Variants in SLC35E3 observed in about 807,000 individuals in gnomAD.
SLC35E3 encodes solute carrier family 35 member E3, also known as bladder cancer-overexpressed gene 1 protein.
Under a neutral mutation model 30.8 loss-of-function variants are expected in SLC35E3, and 28 were observed. That is an observed-to-expected ratio of 0.91 (90% confidence interval 0.67 to 1.25). The LOEUF is 1.25. SLC35E3 is among the 50% of genes most tolerant of loss of function. SLC35E3 has a pLI of 0.00. For missense variants in SLC35E3, 365 were observed against 375.4 expected (o/e 0.97, Z 0.23); for synonymous variants, 146 against 149.2 (o/e 0.98, Z 0.16).
chr12:68,758,170 C>G lies in SLC35E3; in HGVS notation c.673-987C>G, dbSNP rs144641130. Among the ~76,000 whole-genome samples, 691 of 151,448 alleles carry G rather than the reference C, an allele frequency of 4.6e-3. 6 individuals carry two copies. Among genetic ancestry groups the G allele is most frequent in the Non-Finnish European group, 5.5e-3 (374 of 67,888 alleles). On this transcript the variant is annotated intron_variant, in intron 3 of 4. Transcript: ENST00000398004. ...GGTGCAGTGGCTCACGCCTGTAATC[C>G]CAGCACTTTGGGAGGCCGAGGTGGG... is the stretch of plus-strand genomic sequence containing the variant.
chr12:68,752,090 A>G lies in SLC35E3; in HGVS notation c.572A>G (p.Gln191Arg), dbSNP rs1878820376. The G allele has an allele frequency of 4.3e-6, 7 of 1,613,654 alleles. No homozygotes were observed. The highest frequency in any genetic ancestry group is 5.9e-6 in the Non-Finnish European group (7 of 1,179,916). ...AACTCAATGCAGCTGCTGTACTACCAGGCTCCGATGTCATCTGCCATGTTG... is the reference window on the plus strand; with the variant it reads ...AACTCAATGCAGCTGCTGTACTACCGGGCTCCGATGTCATCTGCCATGTTG... ...QVNSMQLLYYQAPMSSAMLLV... is the reference protein window; with the variant it reads ...QVNSMQLLYYRAPMSSAMLLV... The change falls in exon 3 of 5, where the codon CAG becomes CGG. Residue 191 changes from glutamine to arginine, a missense_variant. Coordinates refer to ENST00000398004, the MANE Select transcript of SLC35E3 (RefSeq NM_018656.5).
chr12:68,765,690 A>G lies in SLC35E3; in HGVS notation c.*800A>G, dbSNP rs1198795285. On this transcript the variant is annotated 3_prime_UTR_variant, in exon 5 of 5. Transcript: ENST00000398004. Reference sequence around the variant, plus strand: ...CACATATATACACACACACATACATATACATGTGTATATATATACCATCCC... The same window carrying G: ...CACATATATACACACACACATACATGTACATGTGTATATATATACCATCCC... 1 of 151,366 alleles carries G rather than the reference A, an allele frequency of 6.6e-6. No homozygotes were observed. The highest frequency in any genetic ancestry group is 1.5e-5 in the Non-Finnish European group (1 of 67,952). 9.4% of individuals were successfully genotyped at this position (151,366 alleles called of 1,614,324 possible).
intron 3 of SLC35E3, among the ~76,000 whole-genome samples, chr12:68,754,091 C>T (rs966852013): frequency 2.0e-5 from 3 of 152,098 alleles, no homozygotes; most frequent in Admixed American, 6.6e-5. Context: ...GTGACCCACC[C>T]GCCTCGGCCT....
At position 68,759,190 on chromosome 12, in the gene SLC35E3, A is replaced by T; in HGVS notation, c.706A>T (p.Met236Leu). ...MVLLSGVIAFMVNLSIYWIIG... is the reference protein window; with the variant it reads ...MVLLSGVIAFLVNLSIYWIIG... ...GCTGCTATCTGGAGTAATAGCTTTC[A>T]TGGTGAACTTATCAATTTATTGGAT... Residue 236 changes from methionine to leucine, a missense_variant, in exon 4 of 5, where the codon ATG (methionine) becomes TTG (leucine). Physicochemically the swap from Met to Leu is conservative, Grantham distance 15. Coordinates refer to ENST00000398004, the MANE Select transcript of SLC35E3 (RefSeq NM_018656.5). 1 of 1,613,860 alleles carries T rather than the reference A, an allele frequency of 6.2e-7. No individual in the cohort carries two copies. Among genetic ancestry groups the T allele is most frequent in the Non-Finnish European group, 8.5e-7 (1 of 1,179,856 alleles).
chr12:68,746,676 T>C lies in SLC35E3; in HGVS notation c.299T>C (p.Ile100Thr), dbSNP rs1167593954. 1.2e-6 allele frequency: 2 copies of C among 1,614,214 alleles called. No homozygotes were observed. The highest frequency in any genetic ancestry group is 3.3e-5 in the Admixed American group (2 of 60,028). ...FTNLSLQNNTIGTYQLAKAMT... is the reference protein window; with the variant it reads ...FTNLSLQNNTTGTYQLAKAMT... ...AACCTTTCTCTGCAGAACAACACCA[T>C]AGGCACCTATCAGCTGGCCAAGGCC... Residue 100 changes from isoleucine (I) to threonine (T), a missense_variant, in exon 1 of 5, where the codon ATA becomes ACA. Coordinates refer to ENST00000398004, the MANE Select transcript of SLC35E3 (RefSeq NM_018656.5).
At chr12:68,753,184 A>C (rs2136069717) in intron 3 of SLC35E3, among the ~76,000 whole-genome samples, 1 of 151,632 alleles carries the variant, frequency 6.6e-6, no homozygotes, top group Non-Finnish European at 1.5e-5. Context: ...CAGGAAGCTG[A>C]GGCATGAGAT....
intron 3 of SLC35E3, among the ~76,000 whole-genome samples, chr12:68,752,665 G>GT (rs1167657765): frequency 6.6e-6 from 1 of 152,128 alleles, no homozygotes; most frequent in Non-Finnish European, 1.5e-5. Context: ...GAGCCCAGGA[G>GT]TTTTAGACCA....
chr12:68,753,072 G>A (rs563231402), intron 3 of SLC35E3, among the ~76,000 whole-genome samples: 2 of 149,468 alleles, frequency 1.3e-5, no homozygotes, highest in African/African-American at 4.9e-5. Context: ...ACTTGAACCC[G>A]TGAGGTGGAG....
chr12:68,764,637 G>T (rs1029646548), intron 4 of SLC35E3, 67 bp from the exon 5 acceptor site: 1 of 1,495,156 alleles, frequency 6.7e-7, no homozygotes, highest in East Asian at 2.3e-5. Context: ...TTTATGCAGT[G>T]CGAGTGTGTG....
chr12:68,760,840 T>C (rs1012322425), intron 4 of SLC35E3, among the ~76,000 whole-genome samples: 2 of 152,080 alleles, frequency 1.3e-5, no homozygotes, highest in Admixed American at 1.3e-4. Flanking sequence ...TAGAAAACAA[T>C]TAAATATTTA....
Position 68,777,199 on chromosome 12 carries a change from A to G in SLC35E3, c.*12309A>G, listed in dbSNP as rs1262170258. Reference sequence around the variant, plus strand: ...CCATAGTGGGAGACAGCTGCATCAGAGGCCTCCCAGTGCCATAGGACCATG... The same window carrying G: ...CCATAGTGGGAGACAGCTGCATCAGGGGCCTCCCAGTGCCATAGGACCATG... On this transcript the variant is annotated 3_prime_UTR_variant, in exon 5 of 5. Transcript: ENST00000398004. 6.6e-6 allele frequency: 1 copy of G among 152,198 alleles called. No individual in the cohort carries two copies. The highest frequency in any genetic ancestry group is 1.5e-5 in the Non-Finnish European group (1 of 68,038). The allele number at this position is 152,198 out of a possible 1,614,324, so 9.4% of individuals were successfully genotyped here.
chr12:68,757,600 A>T (rs1879070103), intron 3 of SLC35E3, among the ~76,000 whole-genome samples: 1 of 152,206 alleles, frequency 6.6e-6, no homozygotes, highest in African/African-American at 2.4e-5. Flanking sequence ...AAATAAGTGA[A>T]TACATGTAAA....
chr12:68,763,143 G>A (rs1326177126), intron 4 of SLC35E3, among the ~76,000 whole-genome samples: 1 of 152,170 alleles, frequency 6.6e-6, no homozygotes, highest in Non-Finnish European at 1.5e-5. Context: ...AGCACATATG[G>A]TGCTTACTAT....
Position 68,774,343 on chromosome 12 carries a change from G to T in SLC35E3, c.*9453G>T, listed in dbSNP as rs1440925344. The T allele has an allele frequency of 6.6e-6, 1 of 152,250 alleles. No individual in the cohort carries two copies. Among genetic ancestry groups the T allele is most frequent in the Non-Finnish European group, 1.5e-5 (1 of 68,140 alleles). The allele number at this position is 152,250 out of a possible 1,614,324, so 9.4% of individuals were successfully genotyped here. The stretch of plus-strand genomic sequence containing the variant: ...ACCTGCAATCTCAGCACTTTGGAAG[G>T]CTGAGGTGGGTGGATCACCTGAGGT... On this transcript the variant is annotated 3_prime_UTR_variant, in exon 5 of 5. Coordinates refer to ENST00000398004, the MANE Select transcript of SLC35E3 (RefSeq NM_018656.5).
rs950895354 is a variant in SLC35E3, at chr12:68,746,196, C to T, written c.-182C>T. 1.9e-5 allele frequency: 10 copies of T among 514,060 alleles called. No homozygotes were observed. The highest frequency in any genetic ancestry group is 6.3e-5 in the East Asian group (2 of 31,618). The allele number at this position is 514,060 out of a possible 1,614,324, so 31.8% of individuals were successfully genotyped here. A position where few individuals can be genotyped will look rare whatever the true frequency, so the allele number is the denominator to read the frequency against. ...GCGGCGTCCTAGCTGGCTTACAGGG[C>T]GGCGGCGGGGTGTGTGTCCTCTGTT... On this transcript the variant is annotated 5_prime_UTR_variant, in exon 1 of 5. Coordinates refer to ENST00000398004, the MANE Select transcript of SLC35E3 (RefSeq NM_018656.5).
rs555736814 is a variant in SLC35E3 at position 68,756,887 on chromosome 12, T to C, written c.673-2270T>C. On this transcript the variant is annotated intron_variant, in intron 3 of 4. Transcript: ENST00000398004. ...AAAATTAGCTGGGCGTGGTGGCTGG[T>C]GCCTGTAGTCTCAGCTACTTGGGAC... is the stretch of plus-strand genomic sequence containing the variant. Among the ~76,000 whole-genome samples the C allele has an allele frequency of 7.6e-4, 116 of 152,248 alleles. 1 individual carries two copies. The East Asian group carries it at 8.5e-3, about 11-fold the overall frequency.
chr12:68,781,016 A>T lies in SLC35E3; in HGVS notation c.*16126A>T, dbSNP rs928162736. On this transcript the variant is annotated 3_prime_UTR_variant, in exon 5 of 5. Transcript: ENST00000398004. ...CTGGGGCTGACACTGAATGAATGCTACTCACAGCAGTAAGGGGAAAAGTGG... is the reference window on the plus strand; with the variant it reads ...CTGGGGCTGACACTGAATGAATGCTTCTCACAGCAGTAAGGGGAAAAGTGG... The T allele has an allele frequency of 2.0e-5, 3 of 152,162 alleles. No individual in the cohort carries two copies. The highest frequency in any genetic ancestry group is 4.4e-5 in the Non-Finnish European group (3 of 68,036). The allele number at this position is 152,162 out of a possible 1,614,324, so 9.4% of individuals were successfully genotyped here. A position where few individuals can be genotyped will look rare whatever the true frequency, so the allele number is the denominator to read the frequency against.
chr12:68,750,336 A>C (rs1878742820), intron 2 of SLC35E3, among the ~76,000 whole-genome samples: 1 of 152,242 alleles, frequency 6.6e-6, no homozygotes, highest in African/African-American at 2.4e-5. Context: ...ATGAGGGAAG[A>C]GCAGTAGATC....
Position 68,772,732 on chromosome 12 carries a change from G to A in SLC35E3, c.*7842G>A, listed in dbSNP as rs535161253. The A allele has an allele frequency of 1.3e-5, 2 of 151,692 alleles. No individual in the cohort carries two copies. Among genetic ancestry groups the A allele is most frequent in the South Asian group, 4.2e-4 (2 of 4,812 alleles). The allele number at this position is 151,692 out of a possible 1,614,324, so 9.4% of individuals were successfully genotyped here. A position where few individuals can be genotyped will look rare whatever the true frequency, so the allele number is the denominator to read the frequency against. ...GCATTTCTAAATATTTATTTTTTTC[G>A]GTTATCCGTAGACTTTTCCTTTTGA... On this transcript the variant is annotated 3_prime_UTR_variant, in exon 5 of 5. Transcript: ENST00000398004.
Sources: allele counts gnomAD v4.1 joint callset (sites outside exome capture counted in the v4.1 genomes callset), GRCh38; gene constraint gnomAD v4.1.1; transcripts MANE v1.5; gene names NCBI Gene and HGNC (gene_info 2026-07-23, HGNC 2026-07-21).